KIAA1958: variants seen among roughly 807,000 people sequenced by gnomAD.
KIAA1958 encodes KIAA1958.
KIAA1958 carries 14 observed loss-of-function variants against 47.2 expected under a neutral mutation model. The observed-to-expected ratio is 0.30, with a 90% CI of 0.20 to 0.46. The LOEUF (loss-of-function observed/expected upper bound fraction) is 0.46, where lower values mean the gene tolerates loss of function less well. Ranked by LOEUF, KIAA1958 falls within the 20% of genes least tolerant of loss-of-function variation. The pLI, the probability that KIAA1958 is intolerant of heterozygous loss-of-function variation, is 1.00. For missense variants in KIAA1958, 803 were observed against 909.2 expected, an observed-to-expected ratio of 0.88 and a Z score of 1.50; for synonymous variants, 354 against 353.3, an observed-to-expected ratio of 1.00 and a Z score of -0.02.
chr9:112,487,828 A>G (rs1042516971), intron 1 of KIAA1958, among the ~76,000 whole-genome samples: 8 of 149,040 alleles, frequency 5.4e-5, no homozygotes, highest in South Asian at 2.1e-4. Flanking sequence ...TCAAACCAAA[A>G]TCAAAGAATG....
intron 2 of KIAA1958, among the ~76,000 whole-genome samples, chr9:112,587,334 G>A (rs1835843821): frequency 6.6e-6 from 1 of 152,088 alleles, no homozygotes; most frequent in Non-Finnish European, 1.5e-5. Context: ...ATTTTAAGTA[G>A]AGACGGGGTT....
chr9:112,604,844 A>G (rs1836197793), intron 2 of KIAA1958, among the ~76,000 whole-genome samples: 1 of 150,650 alleles, frequency 6.6e-6, no homozygotes, highest in Non-Finnish European at 1.5e-5. Context: ...TTCACAGATG[A>G]CAAAGACGTG....
chr9:112,601,910 C>T (rs1588035376), intron 2 of KIAA1958, among the ~76,000 whole-genome samples: 1 of 152,154 alleles, frequency 6.6e-6, no homozygotes, highest in African/African-American at 2.4e-5. Context: ...AACATACTAT[C>T]GTTCCAAATT....
chr9:112,666,247 T>G lies in KIAA1958; in HGVS notation c.*6178T>G, dbSNP rs970331639. 4 of 152,082 alleles carry G rather than the reference T, an allele frequency of 2.6e-5. No homozygotes were observed. Among genetic ancestry groups the G allele is most frequent in the African/African-American group, 9.7e-5 (4 of 41,400 alleles). 9.4% of individuals were successfully genotyped at this position (152,082 alleles called of 1,614,324 possible). ...GGCCTCCCAAAGTGGAAAAATATAC[T>G]TATTTACTCGTTTTCTGTTCTTTTT... On this transcript the variant is annotated 3_prime_UTR_variant, in exon 4 of 4. Coordinates refer to ENST00000337530, the MANE Select transcript of KIAA1958 (RefSeq NM_133465.4).
chr9:112,494,064 G>A (rs1834013737), intron 1 of KIAA1958, among the ~76,000 whole-genome samples: 1 of 152,156 alleles, frequency 6.6e-6, no homozygotes, highest in Non-Finnish European at 1.5e-5. Context: ...GCCTTAGTTT[G>A]CTGAGTCATA....
intron 1 of KIAA1958, among the ~76,000 whole-genome samples, chr9:112,526,330 T>G (rs1445612036): frequency 6.6e-6 from 1 of 152,042 alleles, no homozygotes; most frequent in Non-Finnish European, 1.5e-5. Flanking sequence ...CTCGGCACAC[T>G]GCACTCTCCA....
At chr9:112,557,180 G>A (rs1835257406) in intron 1 of KIAA1958, among the ~76,000 whole-genome samples, 3 of 151,974 alleles carry the variant, frequency 2.0e-5, no homozygotes, top group African/African-American at 7.3e-5. Context: ...GGCTGGCCTT[G>A]AATACCCAGG....
chr9:112,607,884 G>T (rs1836263945), intron 2 of KIAA1958, among the ~76,000 whole-genome samples: 2 of 152,184 alleles, frequency 1.3e-5, no homozygotes, highest in African/African-American at 2.4e-5. Context: ...CGGGCTTGGG[G>T]GAGAATGAGT....
intron 1 of KIAA1958, among the ~76,000 whole-genome samples, chr9:112,572,776 C>CT (rs1835561761): frequency 6.6e-6 from 1 of 152,192 alleles, no homozygotes; most frequent in South Asian, 2.1e-4. Flanking sequence ...GGAAATGAGG[C>CT]TTGAGAGGTG....
intron 2 of KIAA1958, among the ~76,000 whole-genome samples, chr9:112,597,869 CAAGTT>C (rs1476285497): frequency 1.3e-5 from 2 of 151,860 alleles, no homozygotes; most frequent in African/African-American, 4.9e-5. Flanking sequence ...TTCTGATAAT[CAAGTT>C]AATTCACTTA....
At chr9:112,530,704 C>T (rs1834737756) in intron 1 of KIAA1958, among the ~76,000 whole-genome samples, 1 of 152,176 alleles carries the variant, frequency 6.6e-6, no homozygotes, top group Non-Finnish European at 1.5e-5. Context: ...TTTTACATTT[C>T]TCTGGCTTTC....
chr9:112,508,948 A>G (rs920677162), intron 1 of KIAA1958, among the ~76,000 whole-genome samples: 4 of 152,236 alleles, frequency 2.6e-5, no homozygotes, highest in South Asian at 2.1e-4. Flanking sequence ...GCCTGCATTT[A>G]TAGTCATTTC....
chr9:112,556,225 C>G (rs917322851), intron 1 of KIAA1958, among the ~76,000 whole-genome samples: 1 of 152,216 alleles, frequency 6.6e-6, no homozygotes, highest in Admixed American at 6.5e-5. Context: ...CCTCAGCTGG[C>G]TGTCAATTTC....
At chr9:112,497,459 G>A (rs988748597) in intron 1 of KIAA1958, among the ~76,000 whole-genome samples, 3 of 152,248 alleles carry the variant, frequency 2.0e-5, no homozygotes, top group African/African-American at 7.2e-5. Context: ...GAGAGGCTTC[G>A]AAAGAAACCA....
At chr9:112,520,133 T>C (rs1333442487) in intron 1 of KIAA1958, among the ~76,000 whole-genome samples, 1 of 152,210 alleles carries the variant, frequency 6.6e-6, no homozygotes, top group Admixed American at 6.5e-5. Context: ...AGTAAGGAGA[T>C]GGCAAATTAA....
chr9:112,566,067 C>G (rs940798036), intron 1 of KIAA1958, among the ~76,000 whole-genome samples: 1 of 152,010 alleles, frequency 6.6e-6, no homozygotes, highest in Non-Finnish European at 1.5e-5. Context: ...CCACGCCCAG[C>G]TAATTTTTTG....
At chr9:112,628,673 G>A (rs1836660601) in intron 2 of KIAA1958, among the ~76,000 whole-genome samples, 1 of 152,174 alleles carries the variant, frequency 6.6e-6, no homozygotes, top group Admixed American at 6.5e-5. Flanking sequence ...ATTTATTTGA[G>A]TCCTGCTCTT....
chr9:112,622,260 C>A (rs987476489), intron 2 of KIAA1958, among the ~76,000 whole-genome samples: 2 of 152,200 alleles, frequency 1.3e-5, no homozygotes, highest in African/African-American at 4.8e-5. Flanking sequence ...TTCAGGCAAT[C>A]CTGTGGCTCA....
chr9:112,516,609 A>G (rs1474906302), intron 1 of KIAA1958, among the ~76,000 whole-genome samples: 1 of 152,214 alleles, frequency 6.6e-6, no homozygotes, highest in Non-Finnish European at 1.5e-5. Flanking sequence ...AACTGATTAT[A>G]AAGCTCTTAT....
Sources: gnomAD v4.1 joint callset for allele counts (sites outside exome capture counted in the v4.1 genomes callset) on GRCh38, gnomAD v4.1.1 for gene constraint, MANE v1.5 for transcripts, NCBI Gene and HGNC (gene_info 2026-07-23, HGNC 2026-07-21) for gene names.